Variants in RTTN observed in about 807,000 individuals in gnomAD.
RTTN encodes the protein rotatin.
RTTN carries 182 observed loss-of-function variants against 269.2 expected under a neutral mutation model. That is an observed-to-expected ratio of 0.68 (90% CI 0.60 to 0.76). The LOEUF (loss-of-function observed/expected upper bound fraction) is 0.76, where lower values mean the gene tolerates loss of function less well. Among genes scored for constraint, RTTN ranks in the 30% least tolerant of loss-of-function variants. The pLI is 0.00. For synonymous variants in RTTN, 1,006 were observed against 963.5 expected, an observed-to-expected ratio of 1.04 and a Z score of -0.82; for missense variants, 2,545 against 2,608.6, an observed-to-expected ratio of 0.98 and a Z score of 0.53.
chr18:70,190,811 A>G, intron 8 of RTTN, 92 bp from the exon 9 acceptor site: 1 of 831,764 alleles, frequency 1.2e-6, no homozygotes, highest in Non-Finnish European at 1.9e-6. Flanking sequence ...TAGAAGCCTC[A>G]TACAAGTCAC....
intron 28 of RTTN, 116 bp from the exon 29 acceptor site, chr18:70,092,920 A>G: frequency 1.1e-6 from 1 of 891,180 alleles, no homozygotes; most frequent in African/African-American, 1.7e-5. Flanking sequence ...TAAAGTTGTA[A>G]TATTTTTAGT....
intron 4 of RTTN, among the ~76,000 whole-genome samples, 158 bp downstream of exon 4, chr18:70,201,736 C>T (rs369987242): frequency 1.1e-4 from 17 of 151,362 alleles, no homozygotes; most frequent in African/African-American, 3.9e-4. Flanking sequence ...CATTTCTACT[C>T]GATATCCTAA....
At chr18:70,141,734 C>T (rs1483136537) in intron 19 of RTTN, among the ~76,000 whole-genome samples, 2 of 152,036 alleles carry the variant, frequency 1.3e-5, no homozygotes, top group South Asian at 2.1e-4. Context: ...CAAACCTGCA[C>T]ATTGTGCACA....
At chr18:70,083,978 T>C (rs141184866) in intron 32 of RTTN, among the ~76,000 whole-genome samples, 56 of 151,096 alleles carry the variant, frequency 3.7e-4, no homozygotes, top group African/African-American at 1.4e-3. Flanking sequence ...CATCTAACAA[T>C]AAAAGGGAAA....
chr18:70,145,694 A>T lies in RTTN; in HGVS notation c.2399T>A (p.Val800Asp). The T allele has an allele frequency of 6.2e-7, 1 of 1,613,148 alleles. No homozygotes were observed. Among genetic ancestry groups the T allele is most frequent in the Non-Finnish European group, 8.5e-7 (1 of 1,179,426 alleles). Reference protein sequence around the residue: ...DTKRPLIDARVLSRVTDLFIG... With the variant: ...DTKRPLIDARDLSRVTDLFIG... The stretch of plus-strand genomic sequence containing the variant: ...GAATAAATCAGTAACTCTGGAGAGA[A>T]CTCTGGCGTCTATTAGAGGACGCTT... The change falls in exon 18 of 49, where the codon GTT (valine) becomes GAT (aspartate). Residue 800 changes from valine to aspartate, a missense_variant. Transcript: ENST00000640769.
At position 70,148,901 on chromosome 18, in the gene RTTN, G is replaced by A. The variant is rs757093991; in HGVS notation, c.2309C>T (p.Ser770Leu). ...MLRLLLVKKP[S>L]VRSLALKLLA... ...GTTCACAAGATTACGTTGTACTCAC[G>A]ATGGCTTTTTCACTAGCAAAAGTCG... The change falls in exon 17 of 49, where the codon TCG (serine) becomes TTG (leucine). Residue 770 changes from serine (S) to leucine (L), a missense_variant and splice_region_variant. Physicochemically the swap from Ser to Leu is moderately radical, Grantham distance 145. Coordinates refer to ENST00000640769, the MANE Select transcript of RTTN (RefSeq NM_173630.4). 1.8e-5 allele frequency: 29 copies of A among 1,613,082 alleles called. No individual in the cohort carries two copies. The highest frequency in any genetic ancestry group is 6.7e-5 in the East Asian group (3 of 44,878).
intron 32 of RTTN, among the ~76,000 whole-genome samples, chr18:70,083,581 G>A (rs1252534442): frequency 6.6e-6 from 1 of 151,934 alleles, no homozygotes; most frequent in Non-Finnish European, 1.5e-5. Flanking sequence ...AGATTAAAAT[G>A]GGAATTGCAG....
chr18:70,027,246 G>A (rs2056879990), intron 43 of RTTN, among the ~76,000 whole-genome samples: 1 of 152,150 alleles, frequency 6.6e-6, no homozygotes, highest in Non-Finnish European at 1.5e-5. Flanking sequence ...GCAGGGTGGG[G>A]TGGCAGTGGG....
At chr18:70,116,171 T>G (rs1234648280) in intron 26 of RTTN, among the ~76,000 whole-genome samples, 1 of 152,000 alleles carries the variant, frequency 6.6e-6, no homozygotes, top group Non-Finnish European at 1.5e-5. Context: ...CTGACTCACA[T>G]TCACGTGCCT....
intron 34 of RTTN, among the ~76,000 whole-genome samples, chr18:70,067,381 G>C (rs943654545): frequency 6.6e-6 from 1 of 151,978 alleles, no homozygotes; most frequent in Non-Finnish European, 1.5e-5. Context: ...GGATGGTCTC[G>C]ATCTCCTGAC....
At chr18:70,127,468 T>C in intron 25 of RTTN, 34 bp downstream of exon 25, 1 of 1,605,930 alleles carries the variant, frequency 6.2e-7, no homozygotes, top group Non-Finnish European at 8.5e-7. Flanking sequence ...GCAATCCAGG[T>C]CTTTGAAACT....
chr18:70,041,676 G>T (rs186643427), intron 40 of RTTN, among the ~76,000 whole-genome samples: 1 of 152,126 alleles, frequency 6.6e-6, no homozygotes, highest in Non-Finnish European at 1.5e-5. Flanking sequence ...GCAAAATCCC[G>T]GATGCTTAGT....
intron 36 of RTTN, 57 bp downstream of exon 36, chr18:70,059,791 TAC>T: frequency 8.7e-7 from 1 of 1,146,636 alleles, no homozygotes; most frequent in Non-Finnish European, 1.2e-6. Context: ...AAGTCATGAA[TAC>T]AGTTTGTGTA....
rs2146113450 is a variant in RTTN at position 70,193,088 on chromosome 18, T to A, written c.1007+200A>T. 5.8e-6 allele frequency: 3 copies of A among 519,706 alleles called. No individual in the cohort carries two copies. The East Asian group carries it at 1.0e-4, about 17-fold the overall frequency. 32.2% of individuals were successfully genotyped at this position (519,706 alleles called of 1,614,324 possible). On this transcript the variant is annotated intron_variant, in intron 8 of 48. Transcript: ENST00000640769. ...AAGTACTGAGCACTGAGTTGCGATG[T>A]AATATTTATCTGTCCTTACCGTGGA...
At chr18:70,032,368 C>G (rs2057041073) in intron 40 of RTTN, among the ~76,000 whole-genome samples, 1 of 152,194 alleles carries the variant, frequency 6.6e-6, no homozygotes, top group Non-Finnish European at 1.5e-5. Flanking sequence ...AGAGTGACCC[C>G]AGTGGACACG....
chr18:70,039,724 A>G lies in RTTN; in HGVS notation c.5541+8247T>C, dbSNP rs115816678. On this transcript the variant is annotated intron_variant, in intron 40 of 48. Coordinates refer to ENST00000640769, the MANE Select transcript of RTTN (RefSeq NM_173630.4). ...TTATCTTAAGTAGAGAGTCTAAATTATGAACCAATCGAAAATAATAACTAC... is the reference window on the plus strand; with the variant it reads ...TTATCTTAAGTAGAGAGTCTAAATTGTGAACCAATCGAAAATAATAACTAC... Among the ~76,000 whole-genome samples, 452 of 152,326 alleles carry G rather than the reference A, an allele frequency of 3.0e-3. 2 individuals are homozygous for G. The highest frequency in any genetic ancestry group is 0.01 in the African/African-American group (429 of 41,578).
In RTTN at chr18:70,009,652, C is replaced by T. The variant is rs554217346; in HGVS notation, c.6422-3168G>A. Among the ~76,000 whole-genome samples the T allele has an allele frequency of 2.3e-3, 351 of 152,302 alleles. 1 individual carries two copies. Among genetic ancestry groups the T allele is most frequent in the African/African-American group, 8.1e-3 (337 of 41,578 alleles). ...TATCAAATTGTAAAGAACATTGACACTATGAAGAAACTGCATCAACTAATG... is the reference window on the plus strand; with the variant it reads ...TATCAAATTGTAAAGAACATTGACATTATGAAGAAACTGCATCAACTAATG... On this transcript the variant is annotated intron_variant, in intron 46 of 48. Coordinates refer to ENST00000640769, the MANE Select transcript of RTTN (RefSeq NM_173630.4).
At chr18:70,149,403 C>T (rs2060479714) in intron 16 of RTTN, among the ~76,000 whole-genome samples, 1 of 152,082 alleles carries the variant, frequency 6.6e-6, no homozygotes, top group Admixed American at 6.6e-5. Flanking sequence ...CGCATGGAAT[C>T]TGTGAGTCTC....
intron 36 of RTTN, among the ~76,000 whole-genome samples, chr18:70,058,539 A>C (rs1444265273): frequency 6.6e-6 from 1 of 152,216 alleles, no homozygotes. Context: ...AAAATAAAAA[A>C]ATAAAAATAA....
Sources: allele counts gnomAD v4.1 joint callset (sites outside exome capture counted in the v4.1 genomes callset), GRCh38; gene constraint gnomAD v4.1.1; transcripts MANE v1.5; gene names NCBI Gene and HGNC (gene_info 2026-07-23, HGNC 2026-07-21).